Variants in ANO1 observed in about 807,000 individuals in gnomAD.
ANO1 encodes anoctamin-1.
ANO1 carries 59 observed loss-of-function variants against 124.0 expected under a neutral mutation model. The observed-to-expected ratio is 0.48, with a 90% CI of 0.39 to 0.59. ANO1 has a LOEUF of 0.59. ANO1 is among the 20% of genes least tolerant of loss of function. The probability of loss-of-function intolerance (pLI) is 0.00; values close to 1 mark genes in which losing one functional copy is unlikely to be tolerated. For missense variants in ANO1, 1,059 were observed against 1,328.0 expected (o/e 0.80, Z 3.15); for synonymous variants, 529 against 532.0 (o/e 0.99, Z 0.08).
chr11:70,153,528 G>C (rs77849739), intron 14 of ANO1, among the ~76,000 whole-genome samples: 17 of 152,272 alleles, frequency 1.1e-4, no homozygotes, highest in African/African-American at 4.1e-4. Flanking sequence ...GTTCTATGCC[G>C]AGCAATGAAA....
At chr11:70,030,640 C>T (rs1345442613) in intron 1 of ANO1, among the ~76,000 whole-genome samples, 4 of 152,204 alleles carry the variant, frequency 2.6e-5, no homozygotes, top group African/African-American at 9.7e-5. Context: ...CTCTCCTCTG[C>T]CTCTTGTGTT....
chr11:70,113,689 G>A (rs138963720), intron 7 of ANO1, among the ~76,000 whole-genome samples: 2 of 152,024 alleles, frequency 1.3e-5, no homozygotes, highest in African/African-American at 4.8e-5. Context: ...AAATGTTTCC[G>A]GCCCTCCCTG....
intron 1 of ANO1, among the ~76,000 whole-genome samples, chr11:70,016,230 G>T (rs1207859265): frequency 2.0e-5 from 3 of 152,074 alleles, no homozygotes; most frequent in Non-Finnish European, 4.4e-5. Flanking sequence ...GTTTCACTAT[G>T]TTGGCCAGGC....
At chr11:70,177,594 C>CTTTTTTTTTTTTTTTTTTTTTTTT (rs57647858) in intron 22 of ANO1, among the ~76,000 whole-genome samples, 4 of 78,930 alleles carry the variant, frequency 5.1e-5, no homozygotes, top group Non-Finnish European at 8.9e-5. Context: ...TTTTTTTTTT[C>CTTTTTTTTTTTTTTTTTTTTTTTT]TTTTTTTTTT....
rs148944927 is a variant in ANO1 at position 70,159,870 on chromosome 11, G to A, written c.1579-1291G>A. ...GAGCTGGCCAGGGAGTGGTCCCCAC[G>A]CCTCGCAGCAGGGCTTCTCCTTAGT... On this transcript the variant is annotated intron_variant, in intron 16 of 25. Coordinates refer to ENST00000355303, the MANE Select transcript of ANO1 (RefSeq NM_018043.7). Among the ~76,000 whole-genome samples, 3 of 152,360 alleles carry A rather than the reference G, an allele frequency of 2.0e-5. No individual in the cohort carries two copies. In the East Asian group the frequency reaches 5.8e-4, roughly 29 times the overall value.
the ANO1 span, among the ~76,000 whole-genome samples, chr11:69,980,077 G>A: frequency 8.3e-4 from 126 of 152,242 alleles, 3 homozygotes; most frequent in South Asian, 0.024. Flanking sequence ...TAAAAATAAA[G>A]TTCGATAAGC....
chr11:70,149,874 G>A, intron 12 of ANO1, 82 bp downstream of exon 12: 2 of 1,494,362 alleles, frequency 1.3e-6, no homozygotes, highest in Non-Finnish European at 1.8e-6. Context: ...CTTACACGGA[G>A]GCCCGAGGTC....
intron 9 of ANO1, among the ~76,000 whole-genome samples, 156 bp from the exon 10 acceptor site, chr11:70,125,905 C>T (rs892813131): frequency 6.6e-6 from 1 of 151,528 alleles, no homozygotes; most frequent in Admixed American, 6.6e-5. Flanking sequence ...GCACCCCCAA[C>T]CTGATGGGGC....
chr11:69,995,413 C>A (rs1241014142), intron 1 of ANO1, among the ~76,000 whole-genome samples: 1 of 152,118 alleles, frequency 6.6e-6, no homozygotes, highest in Non-Finnish European at 1.5e-5. Flanking sequence ...ACGTTTTTAT[C>A]TAAAGCCCAT....
In ANO1 at chr11:70,149,744, G is replaced by A. The variant is rs1189364269; in HGVS notation, c.1293G>A (p.Gln431=). 1 of 1,613,786 alleles carries A rather than the reference G, an allele frequency of 6.2e-7. No homozygotes were observed. Among genetic ancestry groups the A allele is most frequent in the South Asian group, 1.1e-5 (1 of 91,032 alleles). ...TCATGGAGCACTGGAAGCGGAAACAGATGCGACTCAACTACCGCTGGGACC... is the reference window on the plus strand; with the variant it reads ...TCATGGAGCACTGGAAGCGGAAACAAATGCGACTCAACTACCGCTGGGACC... The part of the protein sequence containing the change: ...ATFMEHWKRK[Q]MRLNYRWDLT... Residue 431 remains glutamine, a synonymous_variant, in exon 12 of 26, where the codon CAG becomes CAA. Transcript: ENST00000355303.
intron 1 of ANO1, among the ~76,000 whole-genome samples, chr11:69,991,197 G>C (rs1554997431): frequency 6.6e-6 from 1 of 152,194 alleles, no homozygotes; most frequent in African/African-American, 2.4e-5. Flanking sequence ...ATTTGTTTCA[G>C]CACAATTTGT....
chr11:70,186,352 G>GAGGGAGGAAGGAAGGAAGGAAGGAAGGA (rs1482653844), intron 25 of ANO1, among the ~76,000 whole-genome samples: 14 of 126,896 alleles, frequency 1.1e-4, no homozygotes, highest in African/African-American at 4.3e-4. Context: ...GAGGGGGAGG[G>GAGGGAGGAAGGAAGGAAGGAAGGAAGGA]AGGAAGGAAG....
chr11:70,091,011 C>A (rs373173826), intron 2 of ANO1, among the ~76,000 whole-genome samples: 15 of 152,340 alleles, frequency 9.8e-5, no homozygotes, highest in East Asian at 9.6e-4. Flanking sequence ...GCCCCTAGGG[C>A]TGTTGGAAGG....
At chr11:70,165,250 T>TCTGAAAACACCCCAGCATGAAAACACC (rs2048208677) in intron 19 of ANO1, 1 of 559,720 alleles carries the variant, frequency 1.8e-6, no homozygotes, top group African/African-American at 1.9e-5. Context: ...GGGCGCCCCA[T>TCTGAAAACACCCCAGCATGAAAACACC]CTGAAAACAC....
rs116275929 is a variant in ANO1 at position 70,030,896 on chromosome 11, C to T, written c.58+44730C>T. On this transcript the variant is annotated intron_variant, in intron 1 of 27. Coordinates refer to the ANO1 transcript ENST00000531349. ...AACACCCCCCGTTTTAATTGACAAACTGTGGTTTTATGCATTCACGAGGTT... is the reference window on the plus strand; with the variant it reads ...AACACCCCCCGTTTTAATTGACAAATTGTGGTTTTATGCATTCACGAGGTT... Among the ~76,000 whole-genome samples, 1,495 of 152,216 alleles carry T rather than the reference C, an allele frequency of 9.8e-3. 25 individuals are homozygous for T. The highest frequency in any genetic ancestry group is 0.034 in the African/African-American group (1,427 of 41,526).
intron 20 of ANO1, 62 bp downstream of exon 20, chr11:70,165,632 G>C: frequency 2.2e-6 from 3 of 1,390,270 alleles, no homozygotes; most frequent in Non-Finnish European, 3.0e-6. Flanking sequence ...GTGTGTGGGT[G>C]GCTCCTGCGG....
chr11:70,005,142 C>T (rs952949716), intron 1 of ANO1, among the ~76,000 whole-genome samples: 3 of 150,062 alleles, frequency 2.0e-5, no homozygotes, highest in Non-Finnish European at 4.4e-5. Context: ...GTGACAGAAA[C>T]ATTCTTATCA....
At position 70,060,581 on chromosome 11, in the gene ANO1, G is replaced by A. The variant is rs192455019; in HGVS notation, c.59-17961G>A. 4.6e-5 allele frequency among the ~76,000 whole-genome samples: 7 copies of A among 152,306 alleles called. No individual in the cohort carries two copies. The East Asian group carries it at 7.7e-4, about 17-fold the overall frequency. Reference sequence around the variant, plus strand: ...AATAGTGAATAGAGCTGGAGGAGTCGAGAGGCAGACAATAAATGTGAAAGG... The same window carrying A: ...AATAGTGAATAGAGCTGGAGGAGTCAAGAGGCAGACAATAAATGTGAAAGG... On this transcript the variant is annotated intron_variant, in intron 1 of 27. Coordinates refer to the ANO1 transcript ENST00000531349.
intron 1 of ANO1, among the ~76,000 whole-genome samples, chr11:70,035,274 T>C (rs545200475): frequency 6.6e-6 from 1 of 152,264 alleles, no homozygotes; most frequent in Non-Finnish European, 1.5e-5. Context: ...CAGCTGCCGA[T>C]GGCCAGCTAG....
Sources: gnomAD v4.1 joint callset for allele counts (sites outside exome capture counted in the v4.1 genomes callset) on GRCh38, gnomAD v4.1.1 for gene constraint, MANE v1.5 for transcripts, NCBI Gene and HGNC (gene_info 2026-07-23, HGNC 2026-07-21) for gene names.